FMR1: variants seen among roughly 807,000 people sequenced by gnomAD.
FMR1 encodes fragile X messenger ribonucleoprotein 1.
In FMR1, 13 loss-of-function variants were observed where a neutral mutation model predicts 50.6. That is an observed-to-expected ratio of 0.26 (90% CI 0.17 to 0.41). The LOEUF (loss-of-function observed/expected upper bound fraction) is 0.41, where lower values mean the gene tolerates loss of function less well. Ranked by LOEUF, FMR1 falls within the 10% of genes least tolerant of loss-of-function variation. The pLI is 1.00. For synonymous variants in FMR1, 138 were observed against 164.1 expected, an observed-to-expected ratio of 0.84 and a Z score of 1.22; for missense variants, 316 against 491.3, an observed-to-expected ratio of 0.64 and a Z score of 3.37.
chrX:147,935,067 T>G (rs2043744243), intron 9 of FMR1, among the ~76,000 whole-genome samples: 1 of 112,207 alleles, frequency 8.9e-6, no homozygotes, highest in Non-Finnish European at 1.9e-5. Context: ...TCATTTTTCA[T>G]TTTGTTAACT....
chrX:147,918,360 A>G (rs2124441877), intron 1 of FMR1, among the ~76,000 whole-genome samples: 1 of 111,448 alleles, frequency 9.0e-6, no homozygotes, highest in South Asian at 3.8e-4. Flanking sequence ...AGCAGCAACC[A>G]AAGGTATTAT....
At chrX:147,922,801 T>C (rs2043229900) in intron 2 of FMR1, among the ~76,000 whole-genome samples, 1 of 111,504 alleles carries the variant, frequency 9.0e-6, no homozygotes, top group Admixed American at 9.5e-5. Flanking sequence ...GCTGCAAATC[T>C]ATAGAGACAG....
intron 14 of FMR1, 93 bp downstream of exon 14, chrX:147,943,419 T>C: frequency 1.2e-6 from 1 of 821,415 alleles, no homozygotes; most frequent in East Asian, 3.2e-5. Flanking sequence ...TTATAACAAT[T>C]TGCCGCTACA....
At chrX:147,934,242 G>C (rs1319523617) in intron 9 of FMR1, among the ~76,000 whole-genome samples, 1 of 108,925 alleles carries the variant, frequency 9.2e-6, no homozygotes, top group African/African-American at 3.3e-5. Flanking sequence ...AGAGAATTAT[G>C]TGTCAGATTC....
intron 3 of FMR1, among the ~76,000 whole-genome samples, chrX:147,926,127 ATACCGTGAACTACCTGCTTATC>A (rs1274204088): frequency 8.0e-5 from 9 of 112,248 alleles, no homozygotes; most frequent in Non-Finnish European, 1.3e-4. Context: ...TTCACAGGTT[ATACCGTGAACTACCTGCTTATC>A]TCCCGTTGAG....
chrX:147,923,560 A>G (rs972612344), intron 2 of FMR1, among the ~76,000 whole-genome samples: 4 of 112,024 alleles, frequency 3.6e-5, no homozygotes, highest in African/African-American at 1.3e-4. Context: ...TCCTCTATGC[A>G]TTTAAGAATT....
rs868947999 is a variant in FMR1, at chrX:147,912,057, C to A, written c.-123C>A. 7 of 150,231 alleles carry A rather than the reference C, an allele frequency of 4.7e-5. No individual in the cohort carries two copies. Among genetic ancestry groups the A allele is most frequent in the South Asian group, 6.1e-4 (2 of 3,265 alleles). The allele number at this position is 150,231 out of a possible 1,213,427, so 12.4% of individuals were successfully genotyped here. The stretch of plus-strand genomic sequence containing the variant: ...CAGGGGGCGTGCGGCAGCGCGGCGG[C>A]GGCGGCGGCGGCGGCGGCGGCGGAG... On this transcript the variant is annotated 5_prime_UTR_variant, in exon 1 of 17. Transcript: ENST00000370475.
In FMR1 at chrX:147,912,049, C is replaced by CGCGGCGGCGGCGGCGGAGGCGGCG. The variant is rs1931591442; in HGVS notation, c.-115_-114insAGGCGGCGGCGGCGGCGGCGGCGG. ...GCCGCTGCCAGGGGGCGTGCGGCAG[C>CGCGGCGGCGGCGGCGGAGGCGGCG]GCGGCGGCGGCGGCGGCGGCGGCGG... On this transcript the variant is annotated 5_prime_UTR_variant, in exon 1 of 17. Coordinates refer to ENST00000370475, the MANE Select transcript of FMR1 (RefSeq NM_002024.6). The CGCGGCGGCGGCGGCGGAGGCGGCG allele has an allele frequency of 2.5e-5, 1 of 39,999 alleles. No individual in the cohort carries two copies. Among genetic ancestry groups the CGCGGCGGCGGCGGCGGAGGCGGCG allele is most frequent in the Non-Finnish European group, 4.2e-5 (1 of 23,821 alleles). The allele number at this position is 39,999 out of a possible 1,213,427, so 3.3% of individuals were successfully genotyped here.
intron 1 of FMR1, chrX:147,913,129 G>A (rs2042676365): frequency 8.0e-6 from 1 of 124,364 alleles, no homozygotes; most frequent in African/African-American, 3.2e-5. Context: ...TTAACTGAGC[G>A]AAAATATTTT....
At chrX:147,944,471 G>A (rs1283573810) in intron 14 of FMR1, 1 of 751,495 alleles carries the variant, frequency 1.3e-6, no homozygotes, top group African/African-American at 2.3e-5. Flanking sequence ...GCCAAATCTT[G>A]CTAAAAGGAG....
chrX:147,938,026 G>A (rs1235588062), intron 11 of FMR1, 73 bp from the exon 12 acceptor site: 1 of 811,366 alleles, frequency 1.2e-6, no homozygotes, highest in Admixed American at 2.2e-5. Context: ...TGCAGTGAAA[G>A]TCCTGCGTTC....
intron 14 of FMR1, chrX:147,943,667 G>A (rs2044081829): frequency 2.5e-5 from 5 of 203,983 alleles, no homozygotes; most frequent in Non-Finnish European, 4.4e-5. Context: ...TGTCAGGTAT[G>A]TGCTGGTCAT....
At chrX:147,929,199 G>A (rs1446098155) in intron 5 of FMR1, among the ~76,000 whole-genome samples, 2 of 111,951 alleles carry the variant, frequency 1.8e-5, no homozygotes, top group African/African-American at 6.5e-5. Flanking sequence ...TCAGATAAAT[G>A]TGTAATAAGT....
Position 147,951,002 on chromosome X carries a change from G to A in FMR1, c.*2158G>A, listed in dbSNP as rs782690208. On this transcript the variant is annotated 3_prime_UTR_variant, in exon 17 of 17. Coordinates refer to ENST00000370475, the MANE Select transcript of FMR1 (RefSeq NM_002024.6). ...ATATTACAATATTTGTGTGCTAAAC[G>A]TGTATGTTTTTCAGTTCAAAGTCAT... 1.4e-4 allele frequency: 35 copies of A among 248,773 alleles called. No individual in the cohort carries two copies. The highest frequency in any genetic ancestry group is 1.2e-3 in the South Asian group (30 of 24,135). 20.5% of individuals were successfully genotyped at this position (248,773 alleles called of 1,213,427 possible).
At chrX:147,944,843 G>A in intron 14 of FMR1, 26 bp from the exon 15 acceptor site, 1 of 1,198,614 alleles carries the variant, frequency 8.3e-7, no homozygotes, top group Non-Finnish European at 1.1e-6. Flanking sequence ...GTCAGACAAT[G>A]GTATATAACT....
At chrX:147,926,712 T>C (rs1354399995) in intron 3 of FMR1, among the ~76,000 whole-genome samples, 2 of 110,963 alleles carry the variant, frequency 1.8e-5, no homozygotes, top group African/African-American at 6.6e-5. Context: ...AGTCTCGAAC[T>C]CCTGACCTCA....
chrX:147,913,694 T>G (rs1228069396), intron 1 of FMR1: 3 of 112,044 alleles, frequency 2.7e-5, no homozygotes, highest in Non-Finnish European at 5.6e-5. Context: ...AGGCAAAAGG[T>G]AACCCCGCGT....
At chrX:147,934,724 T>C (rs1255159714) in intron 9 of FMR1, among the ~76,000 whole-genome samples, 3 of 112,206 alleles carry the variant, frequency 2.7e-5, no homozygotes, top group African/African-American at 9.7e-5. Context: ...TTCTAGTTAG[T>C]AAAATGAGAT....
intron 12 of FMR1, chrX:147,940,179 A>C (rs2043951354): frequency 1.8e-5 from 2 of 110,974 alleles, no homozygotes; most frequent in Non-Finnish European, 3.6e-5. Flanking sequence ...AAAAAAAAAA[A>C]CAAAAAAGAA....
Sources: allele counts gnomAD v4.1 joint callset (sites outside exome capture counted in the v4.1 genomes callset), GRCh38; gene constraint gnomAD v4.1.1; transcripts MANE v1.5; gene names NCBI Gene and HGNC (gene_info 2026-07-23, HGNC 2026-07-21).